CSMD1: variants seen among roughly 807,000 people sequenced by gnomAD.
CSMD1 encodes CUB and sushi domain-containing protein 1.
A neutral mutation model predicts 417.5 loss-of-function variants in CSMD1; 213 were observed. The observed-to-expected ratio is 0.51, with a 90% CI of 0.46 to 0.57. The LOEUF (loss-of-function observed/expected upper bound fraction) is 0.57, where lower values mean the gene tolerates loss of function less well. CSMD1 is among the 20% of genes least tolerant of loss of function. The pLI, the probability that CSMD1 is intolerant of heterozygous loss-of-function variation, is 0.00. For missense variants in CSMD1, 6,923 were observed against 4,529.7 expected, an observed-to-expected ratio of 1.53 and a Z score of -15.17; for synonymous variants, 2,862 against 1,736.8, an observed-to-expected ratio of 1.65 and a Z score of -16.11.
intron 2 of CSMD1, among the ~76,000 whole-genome samples, chr8:4,433,074 C>G (rs1246699173): frequency 6.6e-6 from 1 of 152,166 alleles, no homozygotes; most frequent in Non-Finnish European, 1.5e-5. Flanking sequence ...TTATAACTAT[C>G]CAATGCCTGA....
At chr8:4,031,771 G>T in intron 4 of CSMD1, 134 bp downstream of exon 4, 2 of 583,716 alleles carry the variant, frequency 3.4e-6, no homozygotes, top group Non-Finnish European at 5.7e-6. Flanking sequence ...GCTTTCAGGA[G>T]CAGAATGAGC....
At chr8:3,039,363 T>TCCCTCCC in intron 50 of CSMD1, among the ~76,000 whole-genome samples, 2 of 131,370 alleles carry the variant, frequency 1.5e-5, no homozygotes, top group African/African-American at 7.9e-5. Context: ...TCCTTCCTCC[T>TCCCTCCC]TTACTTTCCT....
chr8:3,407,832 A>G, intron 14 of CSMD1, 67 bp downstream of exon 14: 1 of 1,382,996 alleles, frequency 7.2e-7, no homozygotes, highest in Admixed American at 2.4e-5. Flanking sequence ...TCACATACAT[A>G]TAAGCAAAAT....
chr8:4,909,630 A>C (rs1415989613), intron 1 of CSMD1, among the ~76,000 whole-genome samples: 1 of 152,186 alleles, frequency 6.6e-6, no homozygotes, highest in Non-Finnish European at 1.5e-5. Flanking sequence ...GGTTCCTAGA[A>C]GTAAAGGCAA....
intron 2 of CSMD1, among the ~76,000 whole-genome samples, chr8:4,582,480 C>T (rs2130701670): frequency 6.6e-6 from 1 of 152,298 alleles, no homozygotes. Context: ...CCACTCTTTC[C>T]TCCAGGCACC....
At chr8:4,656,002 C>T (rs1347750762) in intron 1 of CSMD1, among the ~76,000 whole-genome samples, 1 of 152,068 alleles carries the variant, frequency 6.6e-6, no homozygotes, top group East Asian at 1.9e-4. Context: ...AATAAACCTA[C>T]TCAATACATA....
intron 12 of CSMD1, among the ~76,000 whole-genome samples, chr8:3,454,834 A>G (rs1257096973): frequency 1.3e-5 from 2 of 151,996 alleles, no homozygotes; most frequent in East Asian, 1.9e-4. Flanking sequence ...CATTCTCTGT[A>G]TTTCCTGAAT....
chr8:4,584,151 C>G (rs554803740), intron 2 of CSMD1, among the ~76,000 whole-genome samples: 3 of 152,022 alleles, frequency 2.0e-5, no homozygotes, highest in African/African-American at 7.2e-5. Flanking sequence ...ACTCCAGACG[C>G]GCCACCTTAA....
intron 1 of CSMD1, among the ~76,000 whole-genome samples, chr8:4,736,126 C>G (rs1008595602): frequency 1.3e-5 from 2 of 152,140 alleles, no homozygotes; most frequent in African/African-American, 4.8e-5. Flanking sequence ...TGAGGTGTTT[C>G]TTCTACTGGA....
intron 49 of CSMD1, among the ~76,000 whole-genome samples, chr8:3,073,450 G>A (rs1052074993): frequency 2.6e-5 from 4 of 152,312 alleles, no homozygotes; most frequent in African/African-American, 9.6e-5. Context: ...ATCACACTGA[G>A]ATCAACACAG....
At chr8:4,760,134 G>T (rs899897119) in intron 1 of CSMD1, among the ~76,000 whole-genome samples, 1 of 152,130 alleles carries the variant, frequency 6.6e-6, no homozygotes, top group Non-Finnish European at 1.5e-5. Flanking sequence ...GCATCTTAAT[G>T]GCTCACACAG....
intron 3 of CSMD1, among the ~76,000 whole-genome samples, chr8:4,313,308 A>C (rs1450963456): frequency 6.6e-6 from 1 of 152,102 alleles, no homozygotes. Flanking sequence ...GTTAATAGCT[A>C]GCTGAGTCCC....
intron 11 of CSMD1, among the ~76,000 whole-genome samples, chr8:3,480,869 G>A (rs1023261531): frequency 4.6e-5 from 7 of 152,030 alleles, no homozygotes; most frequent in Middle Eastern, 3.4e-3. Context: ...TTAAGAGTAG[G>A]TGGTAGGCTG....
At chr8:4,475,988 A>T (rs555068826) in intron 2 of CSMD1, among the ~76,000 whole-genome samples, 1 of 152,240 alleles carries the variant, frequency 6.6e-6, no homozygotes, top group Non-Finnish European at 1.5e-5. Context: ...TTGCACAGTC[A>T]TATCTTTCAT....
intron 3 of CSMD1, among the ~76,000 whole-genome samples, chr8:4,329,679 G>A (rs562597089): frequency 6.6e-6 from 1 of 152,236 alleles, no homozygotes; most frequent in South Asian, 2.1e-4. Context: ...CAAATCTCAT[G>A]TTGAGATGTG....
intron 1 of CSMD1, among the ~76,000 whole-genome samples, chr8:4,918,808 A>G (rs1806238538): frequency 6.6e-6 from 1 of 152,236 alleles, no homozygotes; most frequent in South Asian, 2.1e-4. Context: ...CACACTTGTG[A>G]ATATGTATGT....
At chr8:4,715,070 A>G (rs905723478) in intron 1 of CSMD1, among the ~76,000 whole-genome samples, 1 of 152,186 alleles carries the variant, frequency 6.6e-6, no homozygotes, top group African/African-American at 2.4e-5. Flanking sequence ...TTAAGTCCAG[A>G]TAATTATCCA....
intron 7 of CSMD1, among the ~76,000 whole-genome samples, chr8:3,640,044 C>T (rs1305260381): frequency 2.0e-5 from 3 of 152,170 alleles, no homozygotes; most frequent in African/African-American, 7.2e-5. Flanking sequence ...TTAATGCATG[C>T]ATTAATCTAA....
rs142771147 is a variant in CSMD1, at chr8:3,711,668, G to A, written c.932-3177C>T. Among the ~76,000 whole-genome samples the A allele has an allele frequency of 4.1e-3, 627 of 152,094 alleles. 8 individuals carry two copies. Among genetic ancestry groups the A allele is most frequent in the Middle Eastern group, 0.017 (5 of 294 alleles). On this transcript the variant is annotated intron_variant, in intron 6 of 69. Coordinates refer to ENST00000635120, the MANE Select transcript of CSMD1 (RefSeq NM_033225.6). ...ATGGGGTATCTGCTTCCACTTCTGC[G>A]GTTCTCCTGGTGGCACACTCAGAAG...
Sources: gnomAD v4.1 joint callset for allele counts (sites outside exome capture counted in the v4.1 genomes callset) on GRCh38, gnomAD v4.1.1 for gene constraint, MANE v1.5 for transcripts, NCBI Gene and HGNC (gene_info 2026-07-23, HGNC 2026-07-21) for gene names.